The following PGCKA1 variants were observed in gnomAD, a reference collection of about 807,000 sequenced individuals.
The protein encoded by PGCKA1 is PDCD10 and GCKIII kinases associated 1.
chr4:37,455,864 C>T, the PGCKA1 span, among the ~76,000 whole-genome samples: 1 of 152,220 alleles, frequency 6.6e-6, no homozygotes, highest in Non-Finnish European at 1.5e-5. Context: ...AGCCCATTCA[C>T]GGTGCTTCTT....
At chr4:37,455,001 A>G in the PGCKA1 span, among the ~76,000 whole-genome samples, 526 of 152,222 alleles carry the variant, frequency 3.5e-3, 1 homozygote, top group African/African-American at 0.012. Context: ...TCCTGTCACT[A>G]TTTATGGGAA....
At chr4:37,538,014 C>T in the PGCKA1 span, among the ~76,000 whole-genome samples, 1 of 151,968 alleles carries the variant, frequency 6.6e-6, no homozygotes, top group Non-Finnish European at 1.5e-5. Flanking sequence ...ACCATCACCA[C>T]CACTTCCACT....
At chr4:37,534,281 A>G in the PGCKA1 span, among the ~76,000 whole-genome samples, 2 of 152,232 alleles carry the variant, frequency 1.3e-5, no homozygotes, top group Admixed American at 6.5e-5. Flanking sequence ...GTGAGCCACA[A>G]GAACCTGGGT....
At chr4:37,592,208 CAAAAAAAA>C in the PGCKA1 span, among the ~76,000 whole-genome samples, 3 of 93,368 alleles carry the variant, frequency 3.2e-5, no homozygotes, top group East Asian at 1.4e-3. Context: ...GACTCCATCT[CAAAAAAAA>C]AAAAAAAAAA....
At chr4:37,463,947 C>T in the PGCKA1 span, among the ~76,000 whole-genome samples, 4 of 152,166 alleles carry the variant, frequency 2.6e-5, no homozygotes, top group African/African-American at 7.2e-5. Flanking sequence ...GAATCCACGG[C>T]TGGAGCACAT....
At chr4:37,459,578 C>T in the PGCKA1 span, among the ~76,000 whole-genome samples, 2,317 of 152,236 alleles carry the variant, frequency 0.015, 63 homozygotes, top group African/African-American at 0.052. Context: ...CTTTGGTCCT[C>T]GAAGTGAGGT....
the PGCKA1 span, among the ~76,000 whole-genome samples, chr4:37,454,545 G>T: frequency 6.6e-6 from 1 of 152,344 alleles, no homozygotes; most frequent in Admixed American, 6.5e-5. Flanking sequence ...GCCCCCCAGG[G>T]GTGCTGGCGG....
the PGCKA1 span, among the ~76,000 whole-genome samples, chr4:37,542,250 T>C: frequency 6.6e-6 from 1 of 152,178 alleles, no homozygotes. Flanking sequence ...TATGCAAAAG[T>C]GTCTTCCCAA....
the PGCKA1 span, among the ~76,000 whole-genome samples, chr4:37,507,263 T>G: frequency 6.6e-6 from 1 of 152,166 alleles, no homozygotes; most frequent in Non-Finnish European, 1.5e-5. Flanking sequence ...ATTGGAGAGT[T>G]TAGTTCATTG....
At chr4:37,547,339 G>C in the PGCKA1 span, among the ~76,000 whole-genome samples, 3 of 152,172 alleles carry the variant, frequency 2.0e-5, no homozygotes, top group African/African-American at 4.8e-5. Context: ...GGTTTGGTGT[G>C]AACTGCAAAA....
the PGCKA1 span, chr4:37,460,675 G>T: frequency 2.4e-6 from 1 of 409,232 alleles, no homozygotes; most frequent in South Asian, 1.8e-5. Context: ...ACTTTTTGAT[G>T]GAGTTGTTTG....
chr4:37,473,249 C>T, the PGCKA1 span, among the ~76,000 whole-genome samples: 1 of 152,014 alleles, frequency 6.6e-6, no homozygotes, highest in African/African-American at 2.4e-5. Flanking sequence ...ATATGATGGA[C>T]TAAATAAAAT....
the PGCKA1 span, among the ~76,000 whole-genome samples, chr4:37,556,747 C>G: frequency 6.6e-6 from 1 of 152,166 alleles, no homozygotes; most frequent in Non-Finnish European, 1.5e-5. Flanking sequence ...ATTGTAAGCT[C>G]TTCTCACCTC....
the PGCKA1 span, among the ~76,000 whole-genome samples, chr4:37,569,108 G>A: frequency 2.0e-5 from 3 of 151,976 alleles, no homozygotes; most frequent in Admixed American, 6.6e-5. Flanking sequence ...AAAAAAAAGG[G>A]GGGGAGAGAT....
chr4:37,564,192 TGGACCCG>T, the PGCKA1 span, among the ~76,000 whole-genome samples: 1 of 146,936 alleles, frequency 6.8e-6, no homozygotes, highest in Non-Finnish European at 1.5e-5. Context: ...GAGAATCACT[TGGACCCG>T]GGAGTCGGAG....
At chr4:37,482,844 T>C in the PGCKA1 span, among the ~76,000 whole-genome samples, 2 of 152,168 alleles carry the variant, frequency 1.3e-5, no homozygotes, top group Non-Finnish European at 2.9e-5. Context: ...CAGCCATGGC[T>C]AAAAGGGGCC....
chr4:37,517,517 G>A, the PGCKA1 span, among the ~76,000 whole-genome samples: 3 of 151,940 alleles, frequency 2.0e-5, no homozygotes, highest in Non-Finnish European at 4.4e-5. Flanking sequence ...AGTCACTAAC[G>A]GTGACATCAC....
the PGCKA1 span, among the ~76,000 whole-genome samples, chr4:37,592,011 A>G: frequency 6.6e-5 from 10 of 152,184 alleles, 1 homozygote; most frequent in South Asian, 1.9e-3. Flanking sequence ...GTTCAAGATC[A>G]GCCTGGCCAA....
chr4:37,468,385 G>T, the PGCKA1 span, among the ~76,000 whole-genome samples: 1 of 152,168 alleles, frequency 6.6e-6, no homozygotes, highest in Non-Finnish European at 1.5e-5. Flanking sequence ...TGACCGAAAT[G>T]AGAAATGATG....
Sources: gnomAD v4.1 joint callset for allele counts (sites outside exome capture counted in the v4.1 genomes callset) on GRCh38, gnomAD v4.1.1 for gene constraint, MANE v1.5 for transcripts, NCBI Gene and HGNC (gene_info 2026-07-23, HGNC 2026-07-21) for gene names.